PMF1: variants seen among roughly 807,000 people sequenced by gnomAD.
PMF1 encodes polyamine-modulated factor 1.
Under a neutral mutation model 26.7 loss-of-function variants are expected in PMF1, and 21 were observed. That is an observed-to-expected ratio of 0.79 (90% CI 0.56 to 1.13). The LOEUF (loss-of-function observed/expected upper bound fraction) is 1.13, where lower values mean the gene tolerates loss of function less well. Among genes scored for constraint, PMF1 ranks in the 50% most tolerant of loss-of-function variants. The pLI is 0.00. For synonymous variants in PMF1, 105 were observed against 101.0 expected, an observed-to-expected ratio of 1.04 and a Z score of -0.24; for missense variants, 266 against 254.9, an observed-to-expected ratio of 1.04 and a Z score of -0.30.
At chr1:156,225,308 T>TTA (rs1553279855) in intron 1 of PMF1, among the ~76,000 whole-genome samples, 3 of 133,826 alleles carry the variant, frequency 2.2e-5, no homozygotes, top group Non-Finnish European at 4.7e-5. Flanking sequence ...TTTTTTTTTT[T>TTA]AATTTCAGTA....
At chr1:156,233,867 T>C in intron 3 of PMF1, 139 bp downstream of exon 3, 1 of 701,456 alleles carries the variant, frequency 1.4e-6, no homozygotes, top group Non-Finnish European at 2.3e-6. Context: ...CCTCCCACCT[T>C]GACCTCCCAA....
chr1:156,236,464 C>G lies in PMF1; in HGVS notation c.545C>G (p.Ala182Gly), dbSNP rs528319714. The part of the protein sequence containing the change: ...QVEELQLQVQ[A>G]QQQAWQALHR... Reference sequence around the variant, plus strand: ...GAGGAGCTGCAGCTACAGGTCCAGGCCCAGCAGCAGGCCTGGCAGGTCAGT... The same window carrying G: ...GAGGAGCTGCAGCTACAGGTCCAGGGCCAGCAGCAGGCCTGGCAGGTCAGT... Residue 182 changes from alanine to glycine, a missense_variant, in exon 4 of 5, where the codon GCC becomes GGC. Ala to Gly is a moderately conservative substitution (Grantham distance 60). Transcript: ENST00000368277. The G allele has an allele frequency of 1.2e-6, 2 of 1,612,640 alleles. No homozygotes were observed. Among genetic ancestry groups the G allele is most frequent in the Admixed American group, 1.7e-5 (1 of 59,756 alleles).
intron 1 of PMF1, among the ~76,000 whole-genome samples, chr1:156,219,360 T>A (rs891948716): frequency 1.3e-5 from 2 of 152,184 alleles, no homozygotes; most frequent in Non-Finnish European, 2.9e-5. Flanking sequence ...AAAGTGATAG[T>A]CTCAAGCCAG....
At chr1:156,222,238 C>G (rs573647399) in intron 1 of PMF1, among the ~76,000 whole-genome samples, 1 of 152,308 alleles carries the variant, frequency 6.6e-6, no homozygotes, top group South Asian at 2.1e-4. Context: ...CAAGTGCTGC[C>G]CCCCTGCCTT....
At chr1:156,223,670 GCA>G (rs35562494) in intron 1 of PMF1, 1,481 of 147,860 alleles carry the variant, frequency 0.01, 24 homozygotes, top group African/African-American at 0.032. Context: ...ATGTGCACGT[GCA>G]CACACACACA....
intron 1 of PMF1, chr1:156,225,611 A>G: frequency 6.4e-7 from 1 of 1,564,224 alleles, no homozygotes; most frequent in Non-Finnish European, 8.7e-7. Context: ...CCTCTGGTGG[A>G]CAGTCTGTGA....
At chr1:156,236,600 G>T in intron 4 of PMF1, 117 bp downstream of exon 4, 1 of 1,335,550 alleles carries the variant, frequency 7.5e-7, no homozygotes, top group Non-Finnish European at 1.0e-6. Flanking sequence ...AGGAGAGCTT[G>T]CCCCCTGGGG....
At chr1:156,237,384 C>T (rs1280734559) in intron 4 of PMF1, 1 of 151,734 alleles carries the variant, frequency 6.6e-6, no homozygotes, top group African/African-American at 2.4e-5. Flanking sequence ...AACTATCATT[C>T]TACTCTTTAC....
intron 3 of PMF1, 36 bp downstream of exon 3, chr1:156,233,764 A>G (rs1247895179): frequency 1.3e-6 from 2 of 1,570,794 alleles, no homozygotes; most frequent in Non-Finnish European, 1.7e-6. Flanking sequence ...AGGTACAGGA[A>G]AGAGGCAGCA....
At chr1:156,221,826 C>T (rs1658096897) in intron 1 of PMF1, among the ~76,000 whole-genome samples, 1 of 152,172 alleles carries the variant, frequency 6.6e-6, no homozygotes, top group African/African-American at 2.4e-5. Context: ...ATTTGAGAGT[C>T]CTCATTGGCC....
intron 1 of PMF1, among the ~76,000 whole-genome samples, chr1:156,214,238 C>T (rs1657559138): frequency 6.6e-6 from 1 of 152,124 alleles, no homozygotes; most frequent in African/African-American, 2.4e-5. Context: ...ATTTATATGA[C>T]TCGAGAGTTT....
intron 3 of PMF1, among the ~76,000 whole-genome samples, chr1:156,235,701 A>G (rs1658973505): frequency 6.6e-6 from 1 of 152,112 alleles, no homozygotes; most frequent in South Asian, 2.1e-4. Flanking sequence ...TTGGCCTCCC[A>G]AAGTGCTGGG....
chr1:156,221,446 A>G (rs561808118), intron 1 of PMF1, among the ~76,000 whole-genome samples: 2 of 152,280 alleles, frequency 1.3e-5, no homozygotes, highest in African/African-American at 2.4e-5. Context: ...TTCATAGCAC[A>G]TATTGCAGTC....
At chr1:156,239,481 A>C (rs1352235507) in intron 4 of PMF1, 67 bp from the exon 5 acceptor site, 17 of 1,300,814 alleles carry the variant, frequency 1.3e-5, no homozygotes, top group Non-Finnish European at 1.9e-5. Flanking sequence ...GGAGTCAGGG[A>C]CAGTGGAGGG....
rs1416182931 is a variant in PMF1 at position 156,236,488 on chromosome 1, G to T, written c.564+5G>T. 1.3e-5 allele frequency: 21 copies of T among 1,602,972 alleles called. No individual in the cohort carries two copies. Among genetic ancestry groups the T allele is most frequent in the Non-Finnish European group, 1.8e-5 (21 of 1,174,430 alleles). ...GCCCAGCAGCAGGCCTGGCAGGTCA[G>T]TGTCCCAGCCTGCCTCTTCCTCTTC... is the stretch of plus-strand genomic sequence containing the variant. On this transcript the variant is annotated splice_donor_5th_base_variant and intron_variant, in intron 4 of 4. Coordinates refer to ENST00000368277, the MANE Select transcript of PMF1 (RefSeq NM_007221.4).
At chr1:156,217,153 C>T (rs1657803566) in intron 1 of PMF1, among the ~76,000 whole-genome samples, 1 of 148,516 alleles carries the variant, frequency 6.7e-6, no homozygotes, top group African/African-American at 2.5e-5. Flanking sequence ...TTAGTGGGTG[C>T]AGCGCACCAG....
In PMF1 at chr1:156,234,786, G is replaced by C. The variant is rs368161094; in HGVS notation, c.368+1058G>C. ...GGCCTCCCAAAGTGCTGGGATTAAA[G>C]GTGTGAGCCCTCGCGCCCAGCCTCG... On this transcript the variant is annotated intron_variant, in intron 3 of 4. Transcript: ENST00000368277. 2.8e-3 allele frequency among the ~76,000 whole-genome samples: 430 copies of C among 152,230 alleles called. 4 individuals carry two copies. Among genetic ancestry groups the C allele is most frequent in the African/African-American group, 9.7e-3 (403 of 41,512 alleles).
intron 3 of PMF1, among the ~76,000 whole-genome samples, chr1:156,234,415 T>TA: frequency 6.6e-6 from 1 of 152,280 alleles, no homozygotes; most frequent in East Asian, 1.9e-4. Context: ...ATGTACATCT[T>TA]ACAGGTGTAG....
chr1:156,228,788 C>T (rs769372006), intron 1 of PMF1, among the ~76,000 whole-genome samples: 1 of 152,200 alleles, frequency 6.6e-6, no homozygotes, highest in Non-Finnish European at 1.5e-5. Flanking sequence ...TGTTCCTCCA[C>T]GTTCCTCCTG....
Sources: gnomAD v4.1 joint callset for allele counts (sites outside exome capture counted in the v4.1 genomes callset) on GRCh38, gnomAD v4.1.1 for gene constraint, MANE v1.5 for transcripts, NCBI Gene and HGNC (gene_info 2026-07-23, HGNC 2026-07-21) for gene names.